XKR4: variants seen among roughly 807,000 people sequenced by gnomAD.
XKR4 encodes the protein XK-related protein 4.
XKR4 carries 12 observed loss-of-function variants against 53.9 expected under a neutral mutation model. That is an observed-to-expected ratio of 0.22 (90% CI 0.14 to 0.36). The LOEUF is 0.36. Ranked by LOEUF, XKR4 falls within the 10% of genes least tolerant of loss-of-function variation. The pLI is 1.00. For missense variants in XKR4, 799 were observed against 859.5 expected (o/e 0.93, Z 0.88); for synonymous variants, 354 against 362.4 (o/e 0.98, Z 0.26).
At chr8:55,235,889 G>T (rs895854162) in intron 1 of XKR4, among the ~76,000 whole-genome samples, 1 of 152,118 alleles carries the variant, frequency 6.6e-6, no homozygotes, top group South Asian at 2.1e-4. Context: ...TAATTAAATT[G>T]CCTCTGATTG....
intron 2 of XKR4, among the ~76,000 whole-genome samples, chr8:55,405,207 T>C (rs1473843870): frequency 6.6e-6 from 1 of 152,180 alleles, no homozygotes; most frequent in African/African-American, 2.4e-5. Context: ...GTCGTCAGTA[T>C]TGTCACAGTT....
chr8:55,387,932 A>C (rs1185083464), intron 2 of XKR4, among the ~76,000 whole-genome samples: 1 of 152,170 alleles, frequency 6.6e-6, no homozygotes, highest in African/African-American at 2.4e-5. Context: ...TCGTGACTTA[A>C]GTGTCACTGT....
intron 2 of XKR4, among the ~76,000 whole-genome samples, chr8:55,371,203 T>C (rs2129386140): frequency 6.6e-6 from 1 of 151,608 alleles, no homozygotes; most frequent in East Asian, 1.9e-4. Flanking sequence ...GGGCCACAAA[T>C]TATGCCCAAT....
chr8:55,293,232 G>A (rs1277536386), intron 1 of XKR4, among the ~76,000 whole-genome samples: 1 of 152,140 alleles, frequency 6.6e-6, no homozygotes, highest in African/African-American at 2.4e-5. Context: ...CTACTTGGGA[G>A]GCTGAGGCAG....
rs998729704 is a variant in XKR4, at chr8:55,132,125, G to T, written c.806+28831G>T. Among the ~76,000 whole-genome samples the T allele has an allele frequency of 2.6e-5, 4 of 152,158 alleles. 1 individual carries two copies. The highest frequency in any genetic ancestry group is 6.5e-5 in the Admixed American group (1 of 15,288). On this transcript the variant is annotated intron_variant, in intron 1 of 2. Coordinates refer to ENST00000327381, the MANE Select transcript of XKR4 (RefSeq NM_052898.2). Reference sequence around the variant, plus strand: ...TTTGGGAACATGGCCTGACAACAATGGGTTCAATTTATTGAGCTTGTATCA... The same window carrying T: ...TTTGGGAACATGGCCTGACAACAATTGGTTCAATTTATTGAGCTTGTATCA...
At position 55,437,010 on chromosome 8, in the gene XKR4, G is replaced by C. The variant is rs546783932; in HGVS notation, c.1006+79133G>C. Among the ~76,000 whole-genome samples, 3 of 152,202 alleles carry C rather than the reference G, an allele frequency of 2.0e-5. No individual in the cohort carries two copies. In the South Asian group the frequency reaches 6.2e-4, roughly 32 times the overall value. ...AGGAAATCTATGTTATGAAAGGTAC[G>C]GGATTTGCCGTTCCTATTCAGAATT... is the stretch of plus-strand genomic sequence containing the variant. On this transcript the variant is annotated intron_variant, in intron 2 of 2. Coordinates refer to ENST00000327381, the MANE Select transcript of XKR4 (RefSeq NM_052898.2).
At chr8:55,477,992 T>C (rs1563361960) in intron 2 of XKR4, among the ~76,000 whole-genome samples, 2 of 152,062 alleles carry the variant, frequency 1.3e-5, no homozygotes, top group African/African-American at 4.8e-5. Context: ...CAGGATATTA[T>C]CCAGGAGAAC....
At chr8:55,178,314 A>G (rs78268912) in intron 1 of XKR4, among the ~76,000 whole-genome samples, 2,865 of 152,268 alleles carry the variant, frequency 0.019, 103 homozygotes, top group African/African-American at 0.066. Context: ...AAGACCAGCT[A>G]TACCAGCTAT....
intron 2 of XKR4, among the ~76,000 whole-genome samples, chr8:55,402,011 A>G (rs908758806): frequency 2.6e-5 from 4 of 152,134 alleles, no homozygotes; most frequent in African/African-American, 9.7e-5. Context: ...ATCATTTTGT[A>G]TTTTCGCGAA....
At chr8:55,391,263 C>G (rs1172660511) in intron 2 of XKR4, among the ~76,000 whole-genome samples, 3 of 152,132 alleles carry the variant, frequency 2.0e-5, no homozygotes, top group African/African-American at 7.2e-5. Context: ...TTCTCAGAGT[C>G]TACCCTAAAG....
At position 55,534,737 on chromosome 8, in the gene XKR4, A is replaced by G. The variant is rs998423407; in HGVS notation, c.*10510A>G. ...AACAGATCATCTCTTAATTTAATAC[A>G]TGGTTCTTTCTCCCTTGCTTCTGGG... On this transcript the variant is annotated 3_prime_UTR_variant, in exon 3 of 3. Coordinates refer to ENST00000327381, the MANE Select transcript of XKR4 (RefSeq NM_052898.2). 26 of 150,286 alleles carry G rather than the reference A, an allele frequency of 1.7e-4. No homozygotes were observed. The highest frequency in any genetic ancestry group is 5.9e-4 in the African/African-American group (24 of 40,926). 9.3% of individuals were successfully genotyped at this position (150,286 alleles called of 1,614,324 possible). A position where few individuals can be genotyped will look rare whatever the true frequency, so the allele number is the denominator to read the frequency against.
chr8:55,470,037 C>A (rs1261532574), intron 2 of XKR4, among the ~76,000 whole-genome samples: 1 of 151,962 alleles, frequency 6.6e-6, no homozygotes, highest in Admixed American at 6.6e-5. Flanking sequence ...GCATTGTAGA[C>A]ACAAAGGAGG....
At chr8:55,145,051 C>T (rs10106629) in intron 1 of XKR4, among the ~76,000 whole-genome samples, 3,486 of 151,996 alleles carry the variant, frequency 0.023, 139 homozygotes, top group African/African-American at 0.08. Context: ...AAGCTGGTCT[C>T]AAACCCCCGG....
In XKR4 at chr8:55,243,913, C is replaced by T. The variant is rs377005328; in HGVS notation, c.807-113765C>T. 1.2e-4 allele frequency among the ~76,000 whole-genome samples: 19 copies of T among 152,276 alleles called. No homozygotes were observed. In the South Asian group the frequency reaches 1.7e-3, roughly 13 times the overall value. ...GTGCAAGTGCATTCACAGCACCTGC[C>T]GCACACAATAAACACTAAATAAACA... On this transcript the variant is annotated intron_variant, in intron 1 of 2. Transcript: ENST00000327381.
intron 2 of XKR4, among the ~76,000 whole-genome samples, chr8:55,379,298 G>A (rs1804198365): frequency 1.3e-5 from 2 of 152,110 alleles, no homozygotes; most frequent in Non-Finnish European, 2.9e-5. Context: ...ATGCTGTCAG[G>A]TGCTTCATAG....
At chr8:55,272,094 A>G (rs1302673149) in intron 1 of XKR4, among the ~76,000 whole-genome samples, 1 of 152,198 alleles carries the variant, frequency 6.6e-6, no homozygotes, top group Non-Finnish European at 1.5e-5. Flanking sequence ...TTGGGTGCAC[A>G]AGTGTTTAGG....
chr8:55,316,736 C>T (rs537055057), intron 1 of XKR4, among the ~76,000 whole-genome samples: 38 of 152,230 alleles, frequency 2.5e-4, no homozygotes, highest in Non-Finnish European at 3.4e-4. Flanking sequence ...TTCCTTCCTC[C>T]GATCCACTCC....
intron 1 of XKR4, among the ~76,000 whole-genome samples, chr8:55,198,948 C>T (rs1817538341): frequency 6.6e-6 from 1 of 152,106 alleles, no homozygotes; most frequent in South Asian, 2.1e-4. Context: ...CAGCTATAAA[C>T]CCCCCATCTT....
intron 1 of XKR4, among the ~76,000 whole-genome samples, chr8:55,238,854 G>A (rs1022598030): frequency 2.0e-5 from 3 of 152,196 alleles, no homozygotes; most frequent in Admixed American, 1.3e-4. Flanking sequence ...ATTTTAATAA[G>A]TGAGGTTCAG....
Sources: allele counts gnomAD v4.1 joint callset (sites outside exome capture counted in the v4.1 genomes callset), GRCh38; gene constraint gnomAD v4.1.1; transcripts MANE v1.5; gene names NCBI Gene and HGNC (gene_info 2026-07-23, HGNC 2026-07-21).